Variants in MEIOB observed in about 807,000 individuals in gnomAD.
MEIOB encodes the protein meiosis specific with OB-fold, also known as meiosis-specific with OB domain-containing protein.
A neutral mutation model predicts 53.1 loss-of-function variants in MEIOB; 50 were observed. The observed-to-expected ratio is 0.94, with a 90% CI of 0.75 to 1.19. MEIOB has a LOEUF of 1.19. Among genes scored for constraint, MEIOB ranks in the 50% most tolerant of loss-of-function variants. The pLI is 0.00. For synonymous variants in MEIOB, 192 were observed against 182.5 expected (o/e 1.05, Z -0.42); for missense variants, 551 against 550.8 (o/e 1.00, Z 0.00).
At chr16:1,868,786 C>G (rs1352203160) in intron 1 of MEIOB, among the ~76,000 whole-genome samples, 1 of 151,740 alleles carries the variant, frequency 6.6e-6, no homozygotes, top group African/African-American at 2.4e-5. Flanking sequence ...ACCCGGGAGG[C>G]GGAGCTTGCA....
At position 1,862,022 on chromosome 16, in the gene MEIOB, G is replaced by A; in HGVS notation, c.222C>T (p.Ile74=). Residue 74 remains isoleucine (I), a synonymous_variant, in exon 4 of 14, where the codon ATC becomes ATT. Transcript: ENST00000325962. The part of the protein sequence containing the change: ...NAASWGNEDY[I]KSLSDSFRVG... ...CCCTAAAGCTGTCAGAAAGAGACTT[G>A]ATGTAATCTTCATTGCCCCAGGAAG... 6.4e-7 allele frequency: 1 copy of A among 1,551,338 alleles called. No homozygotes were observed. The highest frequency in any genetic ancestry group is 2.4e-5 in the East Asian group (1 of 40,908).
At chr16:1,840,434 G>A (rs1390662288) in intron 11 of MEIOB, among the ~76,000 whole-genome samples, 1 of 152,108 alleles carries the variant, frequency 6.6e-6, no homozygotes, top group Non-Finnish European at 1.5e-5. Context: ...ATCTGAATAC[G>A]ACCAGTGGAT....
At chr16:1,870,557 C>T (rs2150827374) in intron 1 of MEIOB, among the ~76,000 whole-genome samples, 1 of 152,258 alleles carries the variant, frequency 6.6e-6, no homozygotes, top group South Asian at 2.1e-4. Context: ...CATTAATTTC[C>T]TCATCCTTAA....
rs775376213 is a variant in MEIOB at position 1,845,006 on chromosome 16, TCATTTAAATCA to T, written c.779-54_779-44del. 13 of 851,932 alleles carry T rather than the reference TCATTTAAATCA, an allele frequency of 1.5e-5. No individual in the cohort carries two copies. The South Asian group carries it at 1.6e-4, about 10-fold the overall frequency. 52.8% of individuals were successfully genotyped at this position (851,932 alleles called of 1,614,324 possible). ...TAATAAGTAAAAAGCAAACTGATTA[TCATTTAAATCA>T]CATTTAAATCATCCAAAATCATTTT... is the stretch of plus-strand genomic sequence containing the variant. On this transcript the variant is annotated intron_variant, in intron 9 of 13. Transcript: ENST00000325962.
intron 2 of MEIOB, among the ~76,000 whole-genome samples, chr16:1,867,462 A>ATTTTTTTTTT (rs869208139): frequency 9.7e-6 from 1 of 102,930 alleles, no homozygotes; most frequent in Non-Finnish European, 1.8e-5. Context: ...AAATGGTTTA[A>ATTTTTTTTTT]TTTTTTTTTT....
chr16:1,853,710 C>T (rs992494574), intron 7 of MEIOB, among the ~76,000 whole-genome samples: 6 of 152,160 alleles, frequency 3.9e-5, no homozygotes, highest in Non-Finnish European at 7.4e-5. Context: ...CCTTGTTGTA[C>T]CTGGCAGTGC....
intron 1 of MEIOB, among the ~76,000 whole-genome samples, chr16:1,868,456 AG>A (rs573191656): frequency 1.6e-3 from 238 of 152,152 alleles, no homozygotes; most frequent in African/African-American, 5.5e-3. Flanking sequence ...TGAACCTGGG[AG>A]GCAGAGGTTG....
chr16:1,857,617 C>T, intron 6 of MEIOB, 118 bp downstream of exon 6: 5 of 694,198 alleles, frequency 7.2e-6, no homozygotes, highest in East Asian at 2.8e-5. Context: ...CAGCATACTA[C>T]CAAGATAGAG....
At chr16:1,843,329 G>C (rs979102151) in intron 10 of MEIOB, 1 of 151,058 alleles carries the variant, frequency 6.6e-6, no homozygotes, top group Non-Finnish European at 1.5e-5. Context: ...AATAAATAAA[G>C]TACATCACAA....
intron 3 of MEIOB, 120 bp downstream of exon 3, chr16:1,865,658 A>G: frequency 1.5e-6 from 1 of 686,300 alleles, no homozygotes; most frequent in East Asian, 2.8e-5. Context: ...AATAGAGAGC[A>G]TGACCATTGC....
chr16:1,847,726 T>C (rs1899062236), intron 9 of MEIOB, among the ~76,000 whole-genome samples: 1 of 152,104 alleles, frequency 6.6e-6, no homozygotes, highest in Non-Finnish European at 1.5e-5. Flanking sequence ...TAAATCGGGC[T>C]GCCCTTGAGT....
rs567491688 is a variant in MEIOB at position 1,845,699 on chromosome 16, A to C, written c.779-736T>G. ...CATAAAAAAAAGGTTTTCAAAAGGC[A>C]ATTGAAATATATAAAATAGGCTCTA... On this transcript the variant is annotated intron_variant, in intron 9 of 13. Transcript: ENST00000325962. 3.3e-5 allele frequency among the ~76,000 whole-genome samples: 5 copies of C among 152,244 alleles called. No homozygotes were observed. The South Asian group carries it at 1.0e-3, about 32-fold the overall frequency.
chr16:1,854,180 A>G lies in MEIOB; in HGVS notation c.549T>C (p.Phe183=), dbSNP rs563286956. The change falls in exon 7 of 14, where the codon TTT becomes TTC. Residue 183 remains phenylalanine, a synonymous_variant. Transcript: ENST00000325962. ...GGCCTTTTCTCCGGTCTGAAGTTGT[A>G]AAGTATTTTGGCTCTCCAACCTTAG... The part of the protein sequence containing the change: ...AVKSVGEPKY[F]TTSDRRKGQR... The G allele has an allele frequency of 2.1e-5, 32 of 1,549,080 alleles. No individual in the cohort carries two copies. The East Asian group carries it at 7.3e-4, about 36-fold the overall frequency.
intron 3 of MEIOB, among the ~76,000 whole-genome samples, chr16:1,865,505 A>G (rs1346777308): frequency 1.1e-5 from 1 of 93,824 alleles, no homozygotes; most frequent in Non-Finnish European, 2.2e-5. Flanking sequence ...ACACACACAT[A>G]CACATGCACA....
At chr16:1,845,752 CAT>C (rs1313345125) in intron 9 of MEIOB, among the ~76,000 whole-genome samples, 5 of 152,154 alleles carry the variant, frequency 3.3e-5, no homozygotes, top group Admixed American at 6.5e-5. Flanking sequence ...CACATTGGCA[CAT>C]GAGTGTGCTC....
chr16:1,858,215 CA>C (rs1899357322), intron 5 of MEIOB, among the ~76,000 whole-genome samples: 1 of 152,142 alleles, frequency 6.6e-6, no homozygotes, highest in Non-Finnish European at 1.5e-5. Context: ...AAAATAGGAG[CA>C]AAAAAGCGCT....
intron 6 of MEIOB, 49 bp downstream of exon 6, chr16:1,857,686 G>T: frequency 1.4e-6 from 2 of 1,440,232 alleles, no homozygotes; most frequent in Non-Finnish European, 1.9e-6. Context: ...TCAAGTGACT[G>T]CACCTCCCCT....
At chr16:1,864,022 T>C (rs1899522797) in intron 3 of MEIOB, among the ~76,000 whole-genome samples, 1 of 152,074 alleles carries the variant, frequency 6.6e-6, no homozygotes, top group African/African-American at 2.4e-5. Context: ...TCAGGCATAG[T>C]AGCATGGACC....
intron 1 of MEIOB, among the ~76,000 whole-genome samples, chr16:1,871,076 T>C (rs1452092253): frequency 1.3e-5 from 2 of 152,082 alleles, no homozygotes; most frequent in African/African-American, 4.8e-5. Flanking sequence ...GTAATAGACG[T>C]TAGTGTCTGC....
Sources: allele counts gnomAD v4.1 joint callset (sites outside exome capture counted in the v4.1 genomes callset), GRCh38; gene constraint gnomAD v4.1.1; transcripts MANE v1.5; gene names NCBI Gene and HGNC (gene_info 2026-07-23, HGNC 2026-07-21).